Variants in TTC1 observed in about 807,000 individuals in gnomAD.
TTC1 encodes tetratricopeptide repeat protein 1.
In TTC1, 31 loss-of-function variants were observed where a neutral mutation model predicts 37.6. The ratio of observed to expected loss-of-function variants is 0.82; its 90% confidence interval spans 0.62 to 1.11. TTC1 has a LOEUF of 1.11. Among genes scored for constraint, TTC1 ranks in the 50% most tolerant of loss-of-function variants. The pLI, the probability that TTC1 is intolerant of heterozygous loss-of-function variation, is 0.00. For synonymous variants in TTC1, 127 were observed against 122.4 expected (o/e 1.04, Z -0.25); for missense variants, 351 against 339.0 (o/e 1.04, Z -0.28).
chr5:160,009,224 G>C (rs1161647818), intron 1 of TTC1, 31 bp downstream of exon 1: 3 of 152,248 alleles, frequency 2.0e-5, no homozygotes, highest in African/African-American at 7.2e-5. Context: ...AAGCGTGTTG[G>C]CTGTGAGGAA....
At chr5:160,022,771 C>A (rs1021624277) in intron 2 of TTC1, among the ~76,000 whole-genome samples, 1 of 152,108 alleles carries the variant, frequency 6.6e-6, no homozygotes, top group Admixed American at 6.5e-5. Context: ...AGAATATCTT[C>A]TTTATGTAAA....
At chr5:160,021,349 A>G (rs746836493) in intron 2 of TTC1, among the ~76,000 whole-genome samples, 6 of 152,234 alleles carry the variant, frequency 3.9e-5, no homozygotes, top group African/African-American at 7.2e-5. Flanking sequence ...ACTGCATCCA[A>G]CATCGGAAGA....
chr5:160,038,258 G>A (rs560841856), intron 4 of TTC1, among the ~76,000 whole-genome samples: 45 of 152,322 alleles, frequency 3.0e-4, no homozygotes, highest in African/African-American at 1.0e-3. Flanking sequence ...ATTCATTAAT[G>A]TGTCCCACCA....
At chr5:160,040,162 G>A (rs964623834) in intron 4 of TTC1, among the ~76,000 whole-genome samples, 2 of 152,146 alleles carry the variant, frequency 1.3e-5, no homozygotes, top group South Asian at 4.2e-4. Flanking sequence ...GGAACACAAT[G>A]GTAAGTATTT....
intron 2 of TTC1, among the ~76,000 whole-genome samples, chr5:160,026,255 T>G (rs1756803371): frequency 6.6e-6 from 1 of 152,222 alleles, no homozygotes; most frequent in South Asian, 2.1e-4. Context: ...TGGAAGCTTC[T>G]GAGGTTCTGG....
At chr5:160,012,003 G>A (rs1156444097) in intron 2 of TTC1, among the ~76,000 whole-genome samples, 6 of 152,110 alleles carry the variant, frequency 3.9e-5, no homozygotes, top group African/African-American at 1.4e-4. Context: ...GAACGTGTTC[G>A]TTTTTGTGCT....
rs1368488161 is a variant in TTC1, at chr5:160,049,680, A to T, written c.690+18A>T. The T allele has an allele frequency of 8.4e-6, 13 of 1,543,106 alleles. No homozygotes were observed. Among genetic ancestry groups the T allele is most frequent in the Non-Finnish European group, 1.0e-5 (12 of 1,151,492 alleles). ...CTTGTATGGTAAAACCTAAAATTTTAAAAATATTTTTCCTTCTATTCTTTG... is the reference window on the plus strand; with the variant it reads ...CTTGTATGGTAAAACCTAAAATTTTTAAAATATTTTTCCTTCTATTCTTTG... On this transcript the variant is annotated intron_variant, in intron 6 of 7. Transcript: ENST00000231238.
At chr5:160,023,449 G>A (rs373955145) in intron 2 of TTC1, among the ~76,000 whole-genome samples, 15 of 151,784 alleles carry the variant, frequency 9.9e-5, no homozygotes, top group Admixed American at 7.2e-4. Context: ...AAGCCACCAC[G>A]CCCAGCTAAT....
At chr5:160,041,847 C>G (rs752342975) in intron 4 of TTC1, among the ~76,000 whole-genome samples, 1 of 152,122 alleles carries the variant, frequency 6.6e-6, no homozygotes, top group Non-Finnish European at 1.5e-5. Flanking sequence ...GATTAAAATA[C>G]CTTCACAGTG....
At chr5:160,024,520 T>C (rs1457026012) in intron 2 of TTC1, among the ~76,000 whole-genome samples, 1 of 152,152 alleles carries the variant, frequency 6.6e-6, no homozygotes, top group Non-Finnish European at 1.5e-5. Flanking sequence ...TTATCTTTTT[T>C]AAGAGAGACA....
chr5:160,024,047 C>CAA (rs1268896063), intron 2 of TTC1: 56 of 1,225,460 alleles, frequency 4.6e-5, no homozygotes, highest in Non-Finnish European at 6.2e-5. Context: ...AGTGTTCAAT[C>CAA]AATATACTCT....
chr5:160,027,795 G>A (rs185164702), intron 2 of TTC1, among the ~76,000 whole-genome samples: 54 of 152,156 alleles, frequency 3.5e-4, no homozygotes, highest in Admixed American at 2.0e-3. Flanking sequence ...ACTGCCTTCT[G>A]GCCTCCACTG....
chr5:160,025,927 G>A (rs954489777), intron 2 of TTC1, among the ~76,000 whole-genome samples: 1 of 152,166 alleles, frequency 6.6e-6, no homozygotes, highest in African/African-American at 2.4e-5. Flanking sequence ...ATCTGTCCTA[G>A]CTCTATCATT....
chr5:160,052,891 G>A (rs1040979547), intron 7 of TTC1, among the ~76,000 whole-genome samples: 1 of 152,176 alleles, frequency 6.6e-6, no homozygotes, highest in Non-Finnish European at 1.5e-5. Flanking sequence ...GAATTCACCT[G>A]CCATTAGACT....
At chr5:160,046,071 C>T in intron 5 of TTC1, among the ~76,000 whole-genome samples, 1 of 152,212 alleles carries the variant, frequency 6.6e-6, no homozygotes, top group East Asian at 1.9e-4. Context: ...AAAACCTTCT[C>T]CTGACCCAAT....
intron 4 of TTC1, among the ~76,000 whole-genome samples, chr5:160,040,675 C>T (rs1034060484): frequency 6.6e-6 from 1 of 152,104 alleles, no homozygotes; most frequent in Admixed American, 6.5e-5. Flanking sequence ...AACTCCTGGA[C>T]TCATGCGATC....
chr5:160,063,441 C>G (rs924819382), intron 7 of TTC1: 1 of 152,832 alleles, frequency 6.5e-6, no homozygotes, highest in Non-Finnish European at 1.5e-5. Flanking sequence ...TCTCAAACTC[C>G]TAGGCTCACA....
chr5:160,051,088 T>A, intron 6 of TTC1, 41 bp from the exon 7 acceptor site: 1 of 1,539,440 alleles, frequency 6.5e-7, no homozygotes, highest in Non-Finnish European at 8.8e-7. Flanking sequence ...TTTGGTTTTT[T>A]TTTTTTTTTT....
Position 160,065,153 on chromosome 5 carries a change from T to C in TTC1, c.*88T>C. ...GAAAGGCCCTGCCAATGTTTAACTT[T>C]TAAAAGCATCTTATCTAAAAGAAAG... On this transcript the variant is annotated 3_prime_UTR_variant, in exon 8 of 8. Transcript: ENST00000231238. 6.5e-7 allele frequency: 1 copy of C among 1,537,576 alleles called. No homozygotes were observed. The highest frequency in any genetic ancestry group is 8.8e-7 in the Non-Finnish European group (1 of 1,141,824).
Sources: allele counts gnomAD v4.1 joint callset (sites outside exome capture counted in the v4.1 genomes callset), GRCh38; gene constraint gnomAD v4.1.1; transcripts MANE v1.5; gene names NCBI Gene and HGNC (gene_info 2026-07-23, HGNC 2026-07-21).